BTNL9: variants seen among roughly 807,000 people sequenced by gnomAD.
BTNL9 encodes the protein butyrophilin like 9.
Under a neutral mutation model 45.8 loss-of-function variants are expected in BTNL9, and 45 were observed. That is an observed-to-expected ratio of 0.98 (90% CI 0.77 to 1.26). The LOEUF (loss-of-function observed/expected upper bound fraction) is 1.26, where lower values mean the gene tolerates loss of function less well. BTNL9 is among the 50% of genes most tolerant of loss of function. The probability of loss-of-function intolerance (pLI) is 0.00; values close to 1 mark genes in which losing one functional copy is unlikely to be tolerated. For synonymous variants in BTNL9, 346 were observed against 330.8 expected (o/e 1.05, Z -0.50); for missense variants, 784 against 729.7 (o/e 1.07, Z -0.86).
At position 181,059,312 on chromosome 5, in the gene BTNL9, G is replaced by T; in HGVS notation, c.1058G>T (p.Arg353Leu). The T allele has an allele frequency of 6.4e-7, 1 of 1,559,952 alleles. No individual in the cohort carries two copies. The stretch of plus-strand genomic sequence containing the variant: ...GAGGATGGCAAGAGCGTGTCTTCCC[G>T]CGGGGCGCCGCCAGGCCCGGCGCCT... ...VSEDGKSVSS[R>L]GAPPGPAPGH... Residue 353 changes from arginine (R) to leucine (L), a missense_variant, in exon 11 of 11, where the codon CGC becomes CTC. Arg to Leu is a moderately radical substitution (Grantham distance 102). Coordinates refer to ENST00000327705, the MANE Select transcript of BTNL9 (RefSeq NM_152547.5).
Position 181,055,921 on chromosome 5 carries a change from G to A in BTNL9, c.929-68G>A. The A allele has an allele frequency of 1.9e-6, 3 of 1,588,732 alleles. No homozygotes were observed. Among genetic ancestry groups the A allele is most frequent in the Non-Finnish European group, 8.6e-7 (1 of 1,156,886 alleles). On this transcript the variant is annotated intron_variant, in intron 8 of 10. Coordinates refer to ENST00000327705, the MANE Select transcript of BTNL9 (RefSeq NM_152547.5). This position sits in a 1 kb window ranked among gnomAD's most constrained non-coding sequence, Gnocchi z 4.4. ...GTGCGGGACAGGGTGGGTGCAAGAT[G>A]TGATGTGTGAGCAGGGAAGCTTGGG... is the stretch of plus-strand genomic sequence containing the variant.
Position 181,058,362 on chromosome 5 carries a change from A to T in BTNL9, c.966A>T (p.Ala322=). The T allele has an allele frequency of 6.2e-7, 1 of 1,614,162 alleles. No homozygotes were observed. The highest frequency in any genetic ancestry group is 1.7e-5 in the Admixed American group (1 of 60,018). ...TCTGTTTGGTTTCAGAGTGGAGAGC[A>T]GCCCAAAAATATGCAGGTAACTGAA... is the stretch of plus-strand genomic sequence containing the variant. ...RRAEGQAEWR[A]AQKYAVDVTL... Residue 322 remains alanine (A), a synonymous_variant, in exon 10 of 11, where the codon GCA becomes GCT. Coordinates refer to ENST00000327705, the MANE Select transcript of BTNL9 (RefSeq NM_152547.5).
At chr5:181,057,736 C>G (rs1418529312) in intron 9 of BTNL9, among the ~76,000 whole-genome samples, 1 of 152,216 alleles carries the variant, frequency 6.6e-6, no homozygotes, top group Non-Finnish European at 1.5e-5. Context: ...ATATTCCACA[C>G]AAGAGCTAGG....
rs1762109166 is a variant in BTNL9, at chr5:181,060,665, C to G, written c.*803C>G. On this transcript the variant is annotated 3_prime_UTR_variant, in exon 11 of 11. Transcript: ENST00000327705. ...AATTATTGGTGAGAGTCTTGGAGAA[C>G]AGGCTGTTTCCAGTCTCAAAGCAGT... 6.6e-6 allele frequency: 1 copy of G among 152,154 alleles called. No individual in the cohort carries two copies. The highest frequency in any genetic ancestry group is 2.4e-5 in the African/African-American group (1 of 41,430). The allele number at this position is 152,154 out of a possible 1,614,324, so 9.4% of individuals were successfully genotyped here.
chr5:181,042,343 CA>C lies in BTNL9; in HGVS notation c.-24+1912del, dbSNP rs138359629. On this transcript the variant is annotated intron_variant, in intron 1 of 10. Coordinates refer to ENST00000327705, the MANE Select transcript of BTNL9 (RefSeq NM_152547.5). The surrounding 1 kb of genome is among the most constrained non-coding windows in gnomAD (Gnocchi z 4.5). ...TTCTTCCCCAAATATCCGACGCGTCCAGTCCCTTACTCCTTCCCCAGGCAAA... is the reference window on the plus strand; with the variant it reads ...TTCTTCCCCAAATATCCGACGCGTCCGTCCCTTACTCCTTCCCCAGGCAAA... 0.015 allele frequency among the ~76,000 whole-genome samples: 2,226 copies of C among 152,296 alleles called. 56 individuals carry two copies. Among genetic ancestry groups the C allele is most frequent in the African/African-American group, 0.051 (2,106 of 41,550 alleles).
Position 181,053,538 on chromosome 5 carries a change from A to G in BTNL9, c.886+37A>G, listed in dbSNP as rs1379965748. On this transcript the variant is annotated intron_variant, in intron 6 of 10. Coordinates refer to ENST00000327705, the MANE Select transcript of BTNL9 (RefSeq NM_152547.5). The surrounding 1 kb of genome is among the most constrained non-coding windows in gnomAD (Gnocchi z 6.5). ...CAGGGCGTTCTGCACGCACCTGCCC[A>G]AGTGCCAAAACCCGCCGTCATCTAA... The G allele has an allele frequency of 6.4e-7, 1 of 1,559,108 alleles. No homozygotes were observed. The highest frequency in any genetic ancestry group is 1.9e-5 in the Admixed American group (1 of 51,848).
rs748234139 is a variant in BTNL9 at position 181,047,744 on chromosome 5, C to T, written c.110-183C>T. On this transcript the variant is annotated intron_variant, in intron 2 of 10. Coordinates refer to ENST00000327705, the MANE Select transcript of BTNL9 (RefSeq NM_152547.5). ...GATGTCACCTGTGTATTTGTTTAAT[C>T]GTGCACTCAACGTTTTTTCGTAAAA... Among the ~76,000 whole-genome samples, 30 of 152,330 alleles carry T rather than the reference C, an allele frequency of 2.0e-4. 1 individual carries two copies. Among genetic ancestry groups the T allele is most frequent in the Non-Finnish European group, 4.3e-4 (29 of 68,036 alleles).
rs201720130 is a variant in BTNL9, at chr5:181,048,043, C to T, written c.226C>T (p.Arg76Trp). ...CCAGCAAATGGAGATCCGCTGGTTCCGGAGTCAGACCTTCAATGTGGTACA... is the reference window on the plus strand; with the variant it reads ...CCAGCAAATGGAGATCCGCTGGTTCTGGAGTCAGACCTTCAATGTGGTACA... The part of the protein sequence containing the change: ...DAQQMEIRWF[R>W]SQTFNVVHLY... The change falls in exon 3 of 11, where the codon CGG (arginine) becomes TGG (tryptophan). Residue 76 changes from arginine (R) to tryptophan (W), a missense_variant. By Grantham distance (101) the Arg-to-Trp change is moderately radical. Transcript: ENST00000327705. 1.5e-5 allele frequency: 24 copies of T among 1,613,580 alleles called. No homozygotes were observed. Among genetic ancestry groups the T allele is most frequent in the Admixed American group, 8.3e-5 (5 of 59,984 alleles).
intron 4 of BTNL9, among the ~76,000 whole-genome samples, chr5:181,051,078 C>CAAAAAAAAAAA (rs1399289272): frequency 4.5e-5 from 2 of 44,688 alleles, no homozygotes; most frequent in African/African-American, 1.7e-4. Flanking sequence ...GAATCCGTCT[C>CAAAAAAAAAAA]AAAAAAAAAA....
intron 9 of BTNL9, among the ~76,000 whole-genome samples, chr5:181,057,637 C>A (rs1464469120): frequency 6.6e-6 from 1 of 152,144 alleles, no homozygotes; most frequent in African/African-American, 2.4e-5. Flanking sequence ...ATTCATAAAT[C>A]TCCCCAAAAA....
intron 1 of BTNL9, among the ~76,000 whole-genome samples, chr5:181,044,354 G>A (rs183334276): frequency 5.9e-5 from 9 of 152,306 alleles, no homozygotes; most frequent in South Asian, 2.1e-4. Context: ...AAGCCAAGCC[G>A]TGGGGGCCGA....
rs1031287339 is a variant in BTNL9 at position 181,053,373 on chromosome 5, C to T, written c.853+57C>T. ...CACCGGCCGGTGCTGAACCCCGGGG[C>T]CGCGGAGGCGCCTCCCCCCAGGACG... On this transcript the variant is annotated intron_variant, in intron 5 of 10. Coordinates refer to ENST00000327705, the MANE Select transcript of BTNL9 (RefSeq NM_152547.5). This position sits in a 1 kb window ranked among gnomAD's most constrained non-coding sequence, Gnocchi z 6.5. 2.0e-6 allele frequency: 3 copies of T among 1,511,818 alleles called. No individual in the cohort carries two copies. Among genetic ancestry groups the T allele is most frequent in the Non-Finnish European group, 2.7e-6 (3 of 1,130,042 alleles). 93.7% of individuals were successfully genotyped at this position (1,511,818 alleles called of 1,614,324 possible). A position where few individuals can be genotyped will look rare whatever the true frequency, so the allele number is the denominator to read the frequency against.
In BTNL9 at chr5:181,059,655, C is replaced by T. The variant is rs138779385; in HGVS notation, c.1401C>T (p.Asp467=). The change falls in exon 11 of 11, where the codon GAC becomes GAT. Residue 467 remains aspartate (D), a synonymous_variant. Coordinates refer to ENST00000327705, the MANE Select transcript of BTNL9 (RefSeq NM_152547.5). ...AGCTGTCCTTCTTCAACGTGTCCGA[C>T]GGCTCCCACATCTTCACCTTCCACG... ...AGELSFFNVS[D]GSHIFTFHDT... The T allele has an allele frequency of 1.2e-6, 2 of 1,613,676 alleles. No individual in the cohort carries two copies. Among genetic ancestry groups the T allele is most frequent in the African/African-American group, 1.3e-5 (1 of 75,054 alleles).
At position 181,059,269 on chromosome 5, in the gene BTNL9, C is replaced by G; in HGVS notation, c.1015C>G (p.Pro339Ala). The change falls in exon 11 of 11, where the codon CCC becomes GCC. Residue 339 changes from proline to alanine, a missense_variant. Coordinates refer to ENST00000327705, the MANE Select transcript of BTNL9 (RefSeq NM_152547.5). ...GACGCTGGACCCGGCCTCGGCGCAC[C>G]CCAGCCTGGAGGTGTCGGAGGATGG... ...DVTLDPASAH[P>A]SLEVSEDGKS... The G allele has an allele frequency of 6.4e-7, 1 of 1,570,842 alleles. No individual in the cohort carries two copies. Among genetic ancestry groups the G allele is most frequent in the Non-Finnish European group, 8.6e-7 (1 of 1,167,268 alleles).
rs991408072 is a variant in BTNL9 at position 181,042,984 on chromosome 5, C to T, written c.-23-2483C>T. On this transcript the variant is annotated intron_variant, in intron 1 of 10. Transcript: ENST00000327705. The surrounding 1 kb of genome is among the most constrained non-coding windows in gnomAD (Gnocchi z 4.5). Reference sequence around the variant, plus strand: ...GAAGTGCAGAGCGAGGCTCTGGAACCAGACAGTGGGTGGAACCCCACCCCA... The same window carrying T: ...GAAGTGCAGAGCGAGGCTCTGGAACTAGACAGTGGGTGGAACCCCACCCCA... 6.6e-6 allele frequency among the ~76,000 whole-genome samples: 1 copy of T among 152,088 alleles called. No individual in the cohort carries two copies. Among genetic ancestry groups the T allele is most frequent in the Non-Finnish European group, 1.5e-5 (1 of 68,000 alleles).
In BTNL9 at chr5:181,048,144, C is replaced by T. The variant is rs113606791; in HGVS notation, c.327C>T (p.Asp109=). 3.2e-5 allele frequency: 51 copies of T among 1,613,620 alleles called. No homozygotes were observed. The highest frequency in any genetic ancestry group is 6.7e-5 in the Admixed American group (4 of 60,026). ...GGAACAGGACCAAGTTGGTCAAGGACGACATCGCCTATGGCAGCGTGGTCC... is the reference window on the plus strand; with the variant it reads ...GGAACAGGACCAAGTTGGTCAAGGATGACATCGCCTATGGCAGCGTGGTCC... ...AFRNRTKLVK[D]DIAYGSVVLQ... The change falls in exon 3 of 11, where the codon GAC becomes GAT. Residue 109 remains aspartate (D), a synonymous_variant. Coordinates refer to ENST00000327705, the MANE Select transcript of BTNL9 (RefSeq NM_152547.5).
chr5:181,053,688 G>A lies in BTNL9; in HGVS notation c.886+187G>A. On this transcript the variant is annotated intron_variant, in intron 6 of 10. Transcript: ENST00000327705. This position sits in a 1 kb window ranked among gnomAD's most constrained non-coding sequence, Gnocchi z 6.5. ...CGTTCATATGGACAAAAGCGGAGGTGCGGAACGGCTGCATTTTCCACGGAG... is the reference window on the plus strand; with the variant it reads ...CGTTCATATGGACAAAAGCGGAGGTACGGAACGGCTGCATTTTCCACGGAG... 2.0e-6 allele frequency: 3 copies of A among 1,515,542 alleles called. No homozygotes were observed. The South Asian group carries it at 3.9e-5, about 20-fold the overall frequency. 93.9% of individuals were successfully genotyped at this position (1,515,542 alleles called of 1,614,324 possible).
At chr5:181,046,928 C>A (rs578044223) in intron 2 of BTNL9, among the ~76,000 whole-genome samples, 12 of 152,158 alleles carry the variant, frequency 7.9e-5, no homozygotes, top group Middle Eastern at 3.4e-3. Context: ...AGAGAGACAG[C>A]CGGAGAGAAC....
chr5:181,045,416 A>G, intron 1 of BTNL9, 51 bp from the exon 2 acceptor site: 1 of 964,916 alleles, frequency 1.0e-6, no homozygotes, highest in South Asian at 1.3e-5. Flanking sequence ...AGTGAGTTCC[A>G]GCTCCCCCTA....
Sources: allele counts gnomAD v4.1 joint callset (sites outside exome capture counted in the v4.1 genomes callset), GRCh38; gene constraint gnomAD v4.1.1; non-coding constraint Gnocchi (gnomAD v3.1); transcripts MANE v1.5; gene names NCBI Gene and HGNC (gene_info 2026-07-23, HGNC 2026-07-21).